Variants in SLIT2 observed in about 807,000 individuals in gnomAD.
SLIT2 encodes the protein slit guidance ligand 2.
In SLIT2, 41 loss-of-function variants were observed where a neutral mutation model predicts 185.7. That is an observed-to-expected ratio of 0.22 (90% confidence interval 0.17 to 0.29). SLIT2 has a LOEUF of 0.29. SLIT2 is among the 10% of genes least tolerant of loss of function. The pLI is 1.00. For missense variants in SLIT2, 1,571 were observed against 1,909.0 expected (o/e 0.82, Z 3.30); for synonymous variants, 693 against 680.2 (o/e 1.02, Z -0.29).
At chr4:20,473,156 C>T (rs1278253473) in intron 5 of SLIT2, among the ~76,000 whole-genome samples, 1 of 141,256 alleles carries the variant, frequency 7.1e-6, no homozygotes, top group Non-Finnish European at 1.6e-5. Flanking sequence ...CAAAGTGCAT[C>T]CTCTATTCCA....
intron 24 of SLIT2, 27 bp from the exon 25 acceptor site, chr4:20,550,800 T>C: frequency 6.8e-7 from 1 of 1,477,894 alleles, no homozygotes. Context: ...ATATAGGAAG[T>C]TTAATTTTTC....
intron 4 of SLIT2, among the ~76,000 whole-genome samples, chr4:20,304,749 G>C (rs1290810140): frequency 6.6e-6 from 1 of 152,052 alleles, no homozygotes; most frequent in East Asian, 1.9e-4. Context: ...AGGCCATTTT[G>C]TAACTTCCAA....
At chr4:20,305,451 A>T (rs1001193266) in intron 4 of SLIT2, among the ~76,000 whole-genome samples, 2 of 152,208 alleles carry the variant, frequency 1.3e-5, no homozygotes, top group South Asian at 2.1e-4. Flanking sequence ...ATAAAACACC[A>T]TGTATGGGAA....
At chr4:20,357,550 A>G (rs1722424034) in intron 4 of SLIT2, among the ~76,000 whole-genome samples, 1 of 152,100 alleles carries the variant, frequency 6.6e-6, no homozygotes, top group Non-Finnish European at 1.5e-5. Context: ...CATAATACCT[A>G]TATATCATTA....
chr4:20,463,731 C>A (rs1437537533), intron 4 of SLIT2, among the ~76,000 whole-genome samples: 1 of 150,720 alleles, frequency 6.6e-6, no homozygotes, highest in Non-Finnish European at 1.5e-5. Flanking sequence ...AAAAAATTAG[C>A]CGGGCTTGGT....
intron 4 of SLIT2, among the ~76,000 whole-genome samples, chr4:20,450,759 T>C (rs1034447799): frequency 1.3e-5 from 2 of 152,204 alleles, no homozygotes; most frequent in African/African-American, 4.8e-5. Flanking sequence ...ATTAGGTGTA[T>C]TTGGAAAAGC....
chr4:20,334,390 GA>G (rs753038580), intron 4 of SLIT2, among the ~76,000 whole-genome samples: 8 of 152,092 alleles, frequency 5.3e-5, no homozygotes, highest in Non-Finnish European at 7.4e-5. Flanking sequence ...CACAGCAAAG[GA>G]AACAGTTAAC....
intron 4 of SLIT2, among the ~76,000 whole-genome samples, chr4:20,284,812 T>A (rs540619444): frequency 1.6e-3 from 244 of 152,352 alleles, no homozygotes; most frequent in African/African-American, 5.6e-3. Flanking sequence ...TTTGTTTTGC[T>A]TAATTTGCAA....
At chr4:20,366,711 T>C (rs1465017854) in intron 4 of SLIT2, among the ~76,000 whole-genome samples, 1 of 152,158 alleles carries the variant, frequency 6.6e-6, no homozygotes. Flanking sequence ...AGTTGACCTA[T>C]AAGCAAAAGA....
At chr4:20,475,469 A>C (rs1419282275) in intron 5 of SLIT2, among the ~76,000 whole-genome samples, 2 of 152,026 alleles carry the variant, frequency 1.3e-5, no homozygotes, top group East Asian at 3.9e-4. Flanking sequence ...AAAGTTCCTG[A>C]GTCTTTTTCC....
chr4:20,535,884 G>A (rs1327396813), intron 18 of SLIT2, among the ~76,000 whole-genome samples: 2 of 151,938 alleles, frequency 1.3e-5, no homozygotes, highest in African/African-American at 4.8e-5. Context: ...TGATAAATGT[G>A]TCATTAGGCA....
chr4:20,617,720 A>G (rs1729787827), intron 36 of SLIT2, 70 bp downstream of exon 36: 4 of 625,000 alleles, frequency 6.4e-6, no homozygotes, highest in South Asian at 5.9e-5. Flanking sequence ...TTGAAAAGAG[A>G]GGGAGAAAAA....
At chr4:20,525,993 A>G (rs1560502044) in intron 15 of SLIT2, among the ~76,000 whole-genome samples, 1 of 152,124 alleles carries the variant, frequency 6.6e-6, no homozygotes, top group South Asian at 2.1e-4. Context: ...TTGCCTGCCA[A>G]TTGTGTAAAA....
In SLIT2 at chr4:20,285,872, A is replaced by G. The variant is rs188638370; in HGVS notation, c.395+16991A>G. Among the ~76,000 whole-genome samples the G allele has an allele frequency of 3.1e-3, 473 of 152,332 alleles. 2 individuals carry two copies. The highest frequency in any genetic ancestry group is 5.0e-3 in the Non-Finnish European group (343 of 68,030). On this transcript the variant is annotated intron_variant, in intron 4 of 36. Transcript: ENST00000504154. ...CTGCGTTACTCCTAATACAGTCTTC[A>G]TTCTACAAAGAGAACTATTTTCTGA...
intron 4 of SLIT2, among the ~76,000 whole-genome samples, chr4:20,397,954 T>C (rs1726044550): frequency 6.6e-6 from 1 of 151,854 alleles, no homozygotes; most frequent in South Asian, 2.1e-4. Flanking sequence ...GTCAGTCATT[T>C]ACTCATTTCA....
At chr4:20,353,500 A>G (rs1722049365) in intron 4 of SLIT2, among the ~76,000 whole-genome samples, 1 of 152,192 alleles carries the variant, frequency 6.6e-6, no homozygotes, top group African/African-American at 2.4e-5. Context: ...GGCAGGAGCT[A>G]GTACAAATAA....
chr4:20,413,106 A>T (rs181018943), intron 4 of SLIT2, among the ~76,000 whole-genome samples: 1 of 152,062 alleles, frequency 6.6e-6, no homozygotes, highest in Non-Finnish European at 1.5e-5. Flanking sequence ...ATGAAAATGA[A>T]TGTTTTCCAT....
At chr4:20,407,810 T>A (rs532584742) in intron 4 of SLIT2, among the ~76,000 whole-genome samples, 1 of 152,258 alleles carries the variant, frequency 6.6e-6, no homozygotes, top group South Asian at 2.1e-4. Flanking sequence ...TTTTGGAAAG[T>A]TCAAGCCCCT....
chr4:20,438,216 A>C (rs558730239), intron 4 of SLIT2, among the ~76,000 whole-genome samples: 2 of 152,324 alleles, frequency 1.3e-5, no homozygotes, highest in African/African-American at 4.8e-5. Context: ...CACTCTGCTC[A>C]TAACTTTGCA....
Sources: gnomAD v4.1 joint callset for allele counts (sites outside exome capture counted in the v4.1 genomes callset) on GRCh38, gnomAD v4.1.1 for gene constraint, MANE v1.5 for transcripts, NCBI Gene and HGNC (gene_info 2026-07-23, HGNC 2026-07-21) for gene names.